The following AGBL2 variants were observed in gnomAD, a reference collection of about 807,000 sequenced individuals.
AGBL2 encodes cytosolic carboxypeptidase 2.
AGBL2 carries 87 observed loss-of-function variants against 103.0 expected under a neutral mutation model. The ratio of observed to expected loss-of-function variants is 0.84; its 90% CI spans 0.71 to 1.01. The LOEUF (loss-of-function observed/expected upper bound fraction) is 1.01, where lower values mean the gene tolerates loss of function less well. Among genes scored for constraint, AGBL2 ranks in the 50% least tolerant of loss-of-function variants. AGBL2 has a pLI of 0.00. For synonymous variants in AGBL2, 335 were observed against 356.7 expected (o/e 0.94, Z 0.69); for missense variants, 904 against 1,023.5 (o/e 0.88, Z 1.59).
At chr11:47,686,437 T>TTTG (rs2097423840) in intron 10 of AGBL2, among the ~76,000 whole-genome samples, 1 of 149,532 alleles carries the variant, frequency 6.7e-6, no homozygotes, top group Non-Finnish European at 1.5e-5. Context: ...CCCAGCTATT[T>TTTG]TTGTTTCTGG....
chr11:47,687,398 C>A (rs2097428240), intron 10 of AGBL2, among the ~76,000 whole-genome samples: 1 of 151,958 alleles, frequency 6.6e-6, no homozygotes. Context: ...TGAAAAAGAA[C>A]CCCACTTATA....
intron 1 of AGBL2, 39 bp from the exon 2 acceptor site, chr11:47,714,789 T>C: frequency 1.2e-6 from 1 of 859,820 alleles, no homozygotes; most frequent in South Asian, 1.4e-5. Flanking sequence ...AAACTGCCAA[T>C]ACCTCCCCGG....
Position 47,699,535 on chromosome 11 carries a change from G to C in AGBL2, c.605C>G (p.Pro202Arg). Residue 202 changes from proline to arginine, a missense_variant, in exon 8 of 19, where the codon CCA (proline) becomes CGA (arginine). Pro to Arg is a moderately radical substitution (Grantham distance 103, BLOSUM62 -2). Transcript: ENST00000525123. Reference protein sequence around the residue: ...IHHIEWAPPQPEYFYQPKGNE... With the variant: ...IHHIEWAPPQREYFYQPKGNE... ...TCCTTTAGGCTGATAGAAATATTCT[G>C]GTTGAGGTGGAGCCCACTCTGAAAG... The C allele has an allele frequency of 6.2e-7, 1 of 1,604,990 alleles. No individual in the cohort carries two copies. Among genetic ancestry groups the C allele is most frequent in the Non-Finnish European group, 8.5e-7 (1 of 1,175,702 alleles).
At chr11:47,670,341 C>T (rs2097353761) in intron 14 of AGBL2, among the ~76,000 whole-genome samples, 3 of 151,974 alleles carry the variant, frequency 2.0e-5, no homozygotes, top group Admixed American at 2.0e-4. Context: ...TTAAAATTAG[C>T]TAGTAATGGT....
At chr11:47,704,484 A>G (rs2097510307) in intron 7 of AGBL2, 59 bp downstream of exon 7, 1 of 586,274 alleles carries the variant, frequency 1.7e-6, no homozygotes, top group Non-Finnish European at 2.3e-6. Context: ...CTTCGTCTCA[A>G]AAAAAAAAAA....
chr11:47,714,524 A>G (rs2097544617), intron 2 of AGBL2, 94 bp downstream of exon 2: 1 of 1,409,810 alleles, frequency 7.1e-7, no homozygotes, highest in Non-Finnish European at 1.0e-6. Context: ...CCACCAGAAC[A>G]TCCCTTCTCA....
intron 8 of AGBL2, among the ~76,000 whole-genome samples, chr11:47,692,819 CTA>C (rs537345718): frequency 2.0e-5 from 3 of 151,120 alleles, no homozygotes; most frequent in Non-Finnish European, 4.4e-5. Context: ...TGATTTATCC[CTA>C]TGTTTTCTTT....
chr11:47,710,650 A>G (rs1166589349), intron 3 of AGBL2, 139 bp from the exon 4 acceptor site: 6 of 1,002,208 alleles, frequency 6.0e-6, no homozygotes, highest in Non-Finnish European at 9.1e-6. Flanking sequence ...CATTTTTCAA[A>G]GAGCTTTCAT....
At chr11:47,706,890 CCAAAAAAA>C (rs1277668327) in intron 4 of AGBL2, among the ~76,000 whole-genome samples, 20 of 53,240 alleles carry the variant, frequency 3.8e-4, no homozygotes, top group African/African-American at 2.6e-3. Flanking sequence ...CTCTACTATT[CCAAAAAAA>C]AAAAAAAAAA....
intron 14 of AGBL2, among the ~76,000 whole-genome samples, chr11:47,675,560 T>C (rs2097372222): frequency 6.6e-6 from 1 of 151,836 alleles, no homozygotes; most frequent in South Asian, 2.1e-4. Flanking sequence ...AGCTAATTTT[T>C]GTATTTTTAA....
intron 14 of AGBL2, among the ~76,000 whole-genome samples, chr11:47,669,398 G>A (rs1484669408): frequency 1.3e-5 from 2 of 152,082 alleles, no homozygotes; most frequent in African/African-American, 2.4e-5. Flanking sequence ...AGCTGGGTGC[G>A]GTGGCACACG....
At chr11:47,668,414 T>C (rs2097347658) in intron 15 of AGBL2, among the ~76,000 whole-genome samples, 1 of 151,902 alleles carries the variant, frequency 6.6e-6, no homozygotes, top group African/African-American at 2.4e-5. Context: ...GGAGAATTGC[T>C]TGAACCCAGA....
At chr11:47,677,227 C>T (rs2097378952) in intron 14 of AGBL2, 44 bp downstream of exon 14, 1 of 1,460,438 alleles carries the variant, frequency 6.8e-7, no homozygotes. Context: ...AGGTTAACAA[C>T]AAAGTATTTA....
rs560874235 is a variant in AGBL2 at position 47,682,802 on chromosome 11, C to T, written c.1789-707G>A. ...TGCAGTTGGAAAGTATCTCATTGTC[C>T]AGCGATTTTTAAATTGTGCTCTGTG... On this transcript the variant is annotated intron_variant, in intron 11 of 18. Transcript: ENST00000525123. 2.6e-5 allele frequency among the ~76,000 whole-genome samples: 4 copies of T among 152,214 alleles called. No individual in the cohort carries two copies. The East Asian group carries it at 7.7e-4, about 29-fold the overall frequency.
At chr11:47,704,875 A>T in intron 6 of AGBL2, 147 bp from the exon 7 acceptor site, 2 of 647,744 alleles carry the variant, frequency 3.1e-6, no homozygotes, top group Non-Finnish European at 5.0e-6. Context: ...TCCTTCAAGA[A>T]GATTTAGTCC....
intron 11 of AGBL2, among the ~76,000 whole-genome samples, chr11:47,685,366 G>A (rs1489635031): frequency 1.3e-5 from 2 of 151,832 alleles, no homozygotes; most frequent in African/African-American, 4.8e-5. Flanking sequence ...TGCCCACCTC[G>A]GCCTCCCAAA....
intron 7 of AGBL2, among the ~76,000 whole-genome samples, chr11:47,699,760 G>A (rs79476064): frequency 0.2 from 30,771 of 151,936 alleles, 3,577 homozygotes; most frequent in East Asian, 0.3. Context: ...TTAACAAAGA[G>A]CATATAAAAT....
At chr11:47,692,613 C>T (rs940777051) in intron 8 of AGBL2, among the ~76,000 whole-genome samples, 6 of 151,448 alleles carry the variant, frequency 4.0e-5, no homozygotes, top group South Asian at 2.1e-4. Context: ...GGAGTTTCAC[C>T]GTGTTAGCCA....
At chr11:47,680,354 A>G (rs1355797949) in intron 12 of AGBL2, among the ~76,000 whole-genome samples, 1 of 152,058 alleles carries the variant, frequency 6.6e-6, no homozygotes, top group Admixed American at 6.6e-5. Context: ...CTATCTCCTC[A>G]GGAGGCTGAG....
Sources: allele counts gnomAD v4.1 joint callset (sites outside exome capture counted in the v4.1 genomes callset), GRCh38; gene constraint gnomAD v4.1.1; transcripts MANE v1.5; gene names NCBI Gene and HGNC (gene_info 2026-07-23, HGNC 2026-07-21).